KCNT2: variants seen among roughly 807,000 people sequenced by gnomAD.
The protein encoded by KCNT2 is potassium channel subfamily T member 2.
Under a neutral mutation model 153.8 loss-of-function variants are expected in KCNT2, and 67 were observed. The observed-to-expected ratio is 0.44, with a 90% CI of 0.36 to 0.53. The LOEUF (loss-of-function observed/expected upper bound fraction) is 0.53, where lower values mean the gene tolerates loss of function less well. KCNT2 is among the 20% of genes least tolerant of loss of function. The pLI is 0.00. For synonymous variants in KCNT2, 500 were observed against 458.8 expected (o/e 1.09, Z -1.15); for missense variants, 975 against 1,354.8 (o/e 0.72, Z 4.40).
intron 12 of KCNT2, among the ~76,000 whole-genome samples, chr1:196,408,938 C>T (rs79377291): frequency 0.058 from 8,735 of 151,512 alleles, 389 homozygotes; most frequent in Non-Finnish European, 0.085. Flanking sequence ...CATTTTTATA[C>T]AGATTGCTAA....
At chr1:196,516,795 G>T (rs1292141995) in intron 1 of KCNT2, among the ~76,000 whole-genome samples, 1 of 152,172 alleles carries the variant, frequency 6.6e-6, no homozygotes, top group Admixed American at 6.5e-5. Context: ...TGCCATCTTT[G>T]CTGTTTTGCA....
intron 14 of KCNT2, among the ~76,000 whole-genome samples, chr1:196,357,219 T>C (rs1013902266): frequency 7.2e-5 from 11 of 151,968 alleles, no homozygotes; most frequent in African/African-American, 2.7e-4. Context: ...TACATTATTA[T>C]GCGGATTGCA....
intron 26 of KCNT2, among the ~76,000 whole-genome samples, chr1:196,253,643 A>G (rs916292147): frequency 2.6e-5 from 4 of 151,536 alleles, no homozygotes; most frequent in African/African-American, 9.7e-5. Flanking sequence ...TCCTTTGTCC[A>G]AAGTCTGCAC....
intron 1 of KCNT2, among the ~76,000 whole-genome samples, chr1:196,588,087 T>C (rs1466385031): frequency 2.0e-5 from 3 of 152,062 alleles, no homozygotes; most frequent in African/African-American, 7.2e-5. Flanking sequence ...AATTCTCTTT[T>C]ATTGTTAACC....
chr1:196,337,108 C>T lies in KCNT2; in HGVS notation c.1784-3048G>A, dbSNP rs113974145. Among the ~76,000 whole-genome samples the T allele has an allele frequency of 6.7e-3, 1,015 of 152,138 alleles. 9 individuals are homozygous for T. Among genetic ancestry groups the T allele is most frequent in the African/African-American group, 0.021 (859 of 41,522 alleles). ...AAATCTAGACTCTTACATACAACTT[C>T]CTGTTAGACATCTTCAAGGTGTTCC... On this transcript the variant is annotated intron_variant, in intron 16 of 27. Coordinates refer to ENST00000294725, the MANE Select transcript of KCNT2 (RefSeq NM_198503.5).
At chr1:196,423,012 G>T in intron 12 of KCNT2, 38 bp downstream of exon 12, 1 of 1,327,834 alleles carries the variant, frequency 7.5e-7, no homozygotes, top group African/African-American at 1.5e-5. Flanking sequence ...TTCTAAAATG[G>T]AAAGCACAAC....
At position 196,535,983 on chromosome 1, in the gene KCNT2, C is replaced by G. The variant is rs117633967; in HGVS notation, c.96-43642G>C. 1.5e-3 allele frequency among the ~76,000 whole-genome samples: 234 copies of G among 152,344 alleles called. No individual in the cohort carries two copies. In the East Asian group the frequency reaches 0.019, roughly 13 times the overall value. ...GACTAAAGTGAAACCATCTCCCTTACACTCCACCCCCTAAGCTGAGGGCAT... is the reference window on the plus strand; with the variant it reads ...GACTAAAGTGAAACCATCTCCCTTAGACTCCACCCCCTAAGCTGAGGGCAT... On this transcript the variant is annotated intron_variant, in intron 1 of 27. Coordinates refer to ENST00000294725, the MANE Select transcript of KCNT2 (RefSeq NM_198503.5).
intron 1 of KCNT2, among the ~76,000 whole-genome samples, chr1:196,508,189 C>CAAAAAAAAAAAAAA (rs10539910): frequency 4.1e-3 from 247 of 59,928 alleles, no homozygotes; most frequent in East Asian, 6.9e-3. Flanking sequence ...CCCTAAGTAG[C>CAAAAAAAAAAAAAA]AAAAAAAAAA....
At chr1:196,598,115 G>A (rs1284611502) in intron 1 of KCNT2, among the ~76,000 whole-genome samples, 2 of 152,028 alleles carry the variant, frequency 1.3e-5, no homozygotes, top group South Asian at 4.2e-4. Context: ...CAAATAAATG[G>A]ATGACCCTGT....
At chr1:196,567,082 C>A (rs1403910720) in intron 1 of KCNT2, among the ~76,000 whole-genome samples, 2 of 152,004 alleles carry the variant, frequency 1.3e-5, no homozygotes, top group Admixed American at 6.6e-5. Context: ...AGTTCTTAAT[C>A]AAAAACTTTA....
At chr1:196,532,476 A>AAAAAT (rs1655076414) in intron 1 of KCNT2, among the ~76,000 whole-genome samples, 1 of 151,898 alleles carries the variant, frequency 6.6e-6, no homozygotes. Context: ...GGGAAAAAAA[A>AAAAAT]ATCTATATAA....
chr1:196,295,396 T>C (rs140516089), intron 22 of KCNT2, among the ~76,000 whole-genome samples: 1 of 151,794 alleles, frequency 6.6e-6, no homozygotes, highest in African/African-American at 2.4e-5. Context: ...TTGTAACTCT[T>C]AAGTTACAAC....
At chr1:196,576,165 C>A (rs1010880575) in intron 1 of KCNT2, among the ~76,000 whole-genome samples, 1 of 151,560 alleles carries the variant, frequency 6.6e-6, no homozygotes, top group African/African-American at 2.4e-5. Context: ...TGATTATACT[C>A]ATTTTACAAT....
chr1:196,439,436 A>G (rs537301310), intron 8 of KCNT2, among the ~76,000 whole-genome samples: 1 of 152,026 alleles, frequency 6.6e-6, no homozygotes, highest in Non-Finnish European at 1.5e-5. Context: ...TTCCAGAATT[A>G]TATGAATAGA....
chr1:196,593,297 T>TAC (rs1194303979), intron 1 of KCNT2, among the ~76,000 whole-genome samples: 1 of 124,190 alleles, frequency 8.1e-6, no homozygotes, highest in Non-Finnish European at 1.6e-5. Flanking sequence ...ATATATATAA[T>TAC]ATATATATAT....
chr1:196,422,065 C>T (rs2878559), intron 12 of KCNT2, among the ~76,000 whole-genome samples: 84,623 of 151,792 alleles, frequency 0.56, 24,034 homozygotes, highest in Middle Eastern at 0.73. Flanking sequence ...GGGACTTCAA[C>T]GCAGGAATTT....
rs1269967202 is a variant in KCNT2 at position 196,479,256 on chromosome 1, A to T, written c.325-18T>A. On this transcript the variant is annotated intron_variant, in intron 4 of 27. Transcript: ENST00000294725. ...ACTGAAACCTGAAAGATAAATTGTA[A>T]CTTAATGAGAAAACGCAATACAATT... 1 of 1,453,456 alleles carries T rather than the reference A, an allele frequency of 6.9e-7. No homozygotes were observed. Among genetic ancestry groups the T allele is most frequent in the South Asian group, 1.2e-5 (1 of 84,642 alleles). 90.0% of individuals were successfully genotyped at this position (1,453,456 alleles called of 1,614,324 possible). A position where few individuals can be genotyped will look rare whatever the true frequency, so the allele number is the denominator to read the frequency against.
At chr1:196,288,610 G>C (rs150399266) in intron 22 of KCNT2, among the ~76,000 whole-genome samples, 23 of 152,104 alleles carry the variant, frequency 1.5e-4, no homozygotes, top group African/African-American at 5.5e-4. Flanking sequence ...TTCTACTGTG[G>C]TATTTGCAGA....
intron 16 of KCNT2, among the ~76,000 whole-genome samples, chr1:196,339,520 CAGAGAGAGAGAGAGAG>C (rs5779831): frequency 1.2e-4 from 17 of 137,908 alleles, no homozygotes; most frequent in African/African-American, 4.6e-4. Flanking sequence ...CACACACACA[CAGAGAGAGAGAGAGAG>C]AGAGAGAGAG....
Sources: allele counts gnomAD v4.1 joint callset (sites outside exome capture counted in the v4.1 genomes callset), GRCh38; gene constraint gnomAD v4.1.1; transcripts MANE v1.5; gene names NCBI Gene and HGNC (gene_info 2026-07-23, HGNC 2026-07-21).